SMIM14: variants seen among roughly 807,000 people sequenced by gnomAD.
The protein encoded by SMIM14 is chromosome 4 open reading frame 34.
Under a neutral mutation model 12.6 loss-of-function variants are expected in SMIM14, and 5 were observed. That is an observed-to-expected ratio of 0.40 (90% CI 0.21 to 0.83). The LOEUF (loss-of-function observed/expected upper bound fraction) is 0.83. Among genes scored for constraint, SMIM14 ranks in the 40% least tolerant of loss-of-function variants. The pLI is 0.37. For missense variants in SMIM14, 86 were observed against 119.1 expected (o/e 0.72, Z 1.29); for synonymous variants, 30 against 40.1 (o/e 0.75, Z 0.95).
At chr4:39,607,342 G>T (rs1352224971) in intron 1 of SMIM14, among the ~76,000 whole-genome samples, 1 of 152,150 alleles carries the variant, frequency 6.6e-6, no homozygotes, top group South Asian at 2.1e-4. Context: ...AACCATTCTG[G>T]TTAAAAGGTG....
At chr4:39,618,342 T>C (rs936885500) in intron 1 of SMIM14, among the ~76,000 whole-genome samples, 3 of 152,088 alleles carry the variant, frequency 2.0e-5, no homozygotes, top group Non-Finnish European at 2.9e-5. Context: ...ATCACCACTC[T>C]CAAGATAACC....
intron 2 of SMIM14, chr4:39,592,850 C>A (rs1040554871): frequency 6.6e-6 from 1 of 152,094 alleles, no homozygotes; most frequent in African/African-American, 2.4e-5. Context: ...AAGACTAAAC[C>A]AGGAAGAAGT....
At chr4:39,559,960 T>TA (rs1173946462) in intron 3 of SMIM14, among the ~76,000 whole-genome samples, 2 of 124,422 alleles carry the variant, frequency 1.6e-5, no homozygotes, top group Non-Finnish European at 3.1e-5. Context: ...CTACAAAAAA[T>TA]TAAAAAAAAA....
At chr4:39,634,359 CTCTT>C (rs1370316058) in intron 1 of SMIM14, among the ~76,000 whole-genome samples, 1 of 152,154 alleles carries the variant, frequency 6.6e-6, no homozygotes, top group Non-Finnish European at 1.5e-5. Context: ...AACATGGCCT[CTCTT>C]AAAGTACTGA....
chr4:39,566,124 G>T (rs890045279), intron 3 of SMIM14, among the ~76,000 whole-genome samples: 40 of 150,596 alleles, frequency 2.7e-4, no homozygotes, highest in African/African-American at 8.8e-4. Flanking sequence ...TAACATACGA[G>T]ATGATGATGG....
intron 1 of SMIM14, among the ~76,000 whole-genome samples, chr4:39,613,570 C>T (rs990588057): frequency 4.6e-5 from 7 of 152,186 alleles, no homozygotes; most frequent in African/African-American, 1.7e-4. Flanking sequence ...CCAGTCCCAC[C>T]GCACATTTAA....
intron 2 of SMIM14, among the ~76,000 whole-genome samples, chr4:39,591,004 C>A (rs1714047768): frequency 6.6e-6 from 1 of 152,018 alleles, no homozygotes; most frequent in Non-Finnish European, 1.5e-5. Flanking sequence ...CCCTTGGTAT[C>A]TGCAGGGGCT....
At chr4:39,575,517 T>C (rs906450398) in intron 2 of SMIM14, among the ~76,000 whole-genome samples, 1 of 151,330 alleles carries the variant, frequency 6.6e-6, no homozygotes. Flanking sequence ...AATGTAAAAA[T>C]ATGCTGTATA....
At chr4:39,628,094 G>C (rs992705696) in intron 1 of SMIM14, among the ~76,000 whole-genome samples, 3 of 152,024 alleles carry the variant, frequency 2.0e-5, no homozygotes, top group Non-Finnish European at 4.4e-5. Flanking sequence ...GGACTACGAG[G>C]TCAGGAATTC....
intron 2 of SMIM14, among the ~76,000 whole-genome samples, chr4:39,572,821 TA>T (rs555089641): frequency 0.012 from 1,820 of 147,592 alleles, 18 homozygotes; most frequent in African/African-American, 0.012. Flanking sequence ...GACCTTGTCT[TA>T]AAAAAAAAAA....
intron 2 of SMIM14, among the ~76,000 whole-genome samples, chr4:39,592,023 T>G (rs1432034911): frequency 7.1e-6 from 1 of 141,462 alleles, no homozygotes; most frequent in Admixed American, 7.5e-5. Flanking sequence ...TGAGACCCCA[T>G]CTCTACAAAA....
intron 1 of SMIM14, among the ~76,000 whole-genome samples, chr4:39,622,652 T>C (rs191327733): frequency 4.7e-4 from 71 of 152,296 alleles, no homozygotes; most frequent in African/African-American, 1.6e-3. Context: ...CCGCCGCCTC[T>C]GCCTCCCCAA....
Position 39,576,709 on chromosome 4 carries a change from T to A in SMIM14, c.76-4246A>T, listed in dbSNP as rs1208890030. 4.0e-3 allele frequency among the ~76,000 whole-genome samples: 289 copies of A among 72,012 alleles called. 9 individuals carry two copies. The highest frequency in any genetic ancestry group is 0.016 in the African/African-American group (275 of 17,262). 47.2% of individuals were successfully genotyped at this position (72,012 alleles called of 152,430 possible). A position where few individuals can be genotyped will look rare whatever the true frequency, so the allele number is the denominator to read the frequency against. On this transcript the variant is annotated intron_variant, in intron 2 of 4. Transcript: ENST00000295958. ...ATTTTTTTTTTTTTTTTTTTTTTTT[T>A]TTTTTTTTTTTTTTTGAGACGGAGT...
chr4:39,556,593 G>C (rs779073603), intron 3 of SMIM14, 23 bp from the exon 4 acceptor site: 2 of 1,569,400 alleles, frequency 1.3e-6, no homozygotes, highest in South Asian at 2.4e-5. Context: ...AAAAAATGTA[G>C]CATGCTCACA....
intron 2 of SMIM14, among the ~76,000 whole-genome samples, chr4:39,584,502 A>AAAAAAAAAAAAAAAAAC (rs1713682286): frequency 7.0e-6 from 1 of 142,510 alleles, no homozygotes; most frequent in African/African-American, 2.6e-5. Flanking sequence ...AAAAAAAAAA[A>AAAAAAAAAAAAAAAAAC]AAAGACAAAC....
intron 3 of SMIM14, among the ~76,000 whole-genome samples, chr4:39,570,617 C>A (rs1211265389): frequency 6.6e-6 from 1 of 152,002 alleles, no homozygotes; most frequent in Non-Finnish European, 1.5e-5. Flanking sequence ...AAAAGGAAAT[C>A]ATTTAAACGC....
intron 1 of SMIM14, 130 bp from the exon 2 acceptor site, chr4:39,605,310 T>C (rs1714765222): frequency 3.9e-6 from 2 of 519,124 alleles, no homozygotes; most frequent in Non-Finnish European, 6.7e-6. Context: ...TTTATTGACT[T>C]GTATCTATTA....
chr4:39,606,664 T>C (rs563115410), intron 1 of SMIM14, among the ~76,000 whole-genome samples: 8 of 147,020 alleles, frequency 5.4e-5, no homozygotes, highest in Non-Finnish European at 1.2e-4. Flanking sequence ...AAAAAGACAT[T>C]GAACATGAGG....
rs977527541 is a variant in SMIM14, at chr4:39,604,397, C to T, written c.75+674G>A. ...ACTAAAAATGCAAATATTAGCCAGG[C>T]GTGGTGGCACACTCCTGTAGTCCCA... is the stretch of plus-strand genomic sequence containing the variant. On this transcript the variant is annotated intron_variant, in intron 2 of 4. Coordinates refer to ENST00000295958, the MANE Select transcript of SMIM14 (RefSeq NM_174921.3). 5.3e-5 allele frequency among the ~76,000 whole-genome samples: 8 copies of T among 151,736 alleles called. No homozygotes were observed. In the South Asian group the frequency reaches 6.3e-4, roughly 12 times the overall value.
Sources: gnomAD v4.1 joint callset for allele counts (sites outside exome capture counted in the v4.1 genomes callset) on GRCh38, gnomAD v4.1.1 for gene constraint, MANE v1.5 for transcripts, NCBI Gene and HGNC (gene_info 2026-07-23, HGNC 2026-07-21) for gene names.